DCAF8L2: variants seen among roughly 807,000 people sequenced by gnomAD.
DCAF8L2 encodes DDB1- and CUL4-associated factor 8-like protein 2.
For synonymous variants in DCAF8L2, 200 were observed against 190.9 expected (o/e 1.05, Z -0.39); for missense variants, 430 against 490.7 (o/e 0.88, Z 1.17).
Position 27,725,130 on chromosome X carries a change from A to C in DCAF8L2, c.-59+8959A>C, listed in dbSNP as rs554757282. Among the ~76,000 whole-genome samples the C allele has an allele frequency of 3.2e-4, 35 of 110,817 alleles. No homozygotes were observed. In the Middle Eastern group the frequency reaches 0.023, roughly 74 times the overall value. On this transcript the variant is annotated intron_variant, in intron 4 of 4. Coordinates refer to ENST00000451261, the MANE Select transcript of DCAF8L2 (RefSeq NM_001353450.2). ...GAGACATGATAGTAAGTTGTGGTAC[A>C]TTCTAATTGCAAGACAGAAAGACTC...
At chrX:27,586,140 T>C (rs1391253942), upstream of DCAF8L2, among the ~76,000 whole-genome samples, 2 of 110,416 alleles carry the variant, frequency 1.8e-5, no homozygotes, top group African/African-American at 6.6e-5. Flanking sequence ...GCTAACAGAG[T>C]CCACCCTCCT....
intron 3 of DCAF8L2, among the ~76,000 whole-genome samples, chrX:27,679,574 G>T (rs1439894941): frequency 4.5e-5 from 5 of 111,145 alleles, no homozygotes; most frequent in Non-Finnish European, 9.4e-5. Flanking sequence ...GCTGGGGTCA[G>T]ATATCCCCAT....
At chrX:27,638,962 C>T (rs951291163) in intron 2 of DCAF8L2, among the ~76,000 whole-genome samples, 2 of 111,429 alleles carry the variant, frequency 1.8e-5, no homozygotes, top group Admixed American at 9.6e-5. Context: ...TATAGGAGAA[C>T]CAAGTAAGTA....
chrX:27,594,668 A>G (rs894899357), intron 1 of DCAF8L2, among the ~76,000 whole-genome samples: 2 of 111,832 alleles, frequency 1.8e-5, no homozygotes, highest in Non-Finnish European at 3.8e-5. Flanking sequence ...AATATTTGCT[A>G]AAAAATTTCT....
chrX:27,716,409 A>G (rs1436116521), intron 4 of DCAF8L2, among the ~76,000 whole-genome samples: 3 of 112,780 alleles, frequency 2.7e-5, no homozygotes, highest in Admixed American at 9.4e-5. Flanking sequence ...CCCATTAACT[A>G]TAATAGGTCA....
intron 4 of DCAF8L2, among the ~76,000 whole-genome samples, chrX:27,731,117 G>A (rs1318482845): frequency 9.0e-6 from 1 of 110,940 alleles, no homozygotes; most frequent in African/African-American, 3.3e-5. Flanking sequence ...GCTGGGCATG[G>A]CACACCTGTA....
intron 2 of DCAF8L2, among the ~76,000 whole-genome samples, chrX:27,637,292 C>G (rs112204786): frequency 0.022 from 2,455 of 112,119 alleles, 16 homozygotes; most frequent in Middle Eastern, 0.042. Context: ...GAAATTTTCT[C>G]CATTGTGGCA....
At chrX:27,582,935 G>A in the DCAF8L2 span, among the ~76,000 whole-genome samples, 1 of 111,384 alleles carries the variant, frequency 9.0e-6, no homozygotes, top group Non-Finnish European at 1.9e-5. Flanking sequence ...TCTGTAGTTA[G>A]TAACTATTTT....
the DCAF8L2 span, among the ~76,000 whole-genome samples, chrX:27,580,284 C>G: frequency 9.0e-6 from 1 of 111,344 alleles, no homozygotes; most frequent in Non-Finnish European, 1.9e-5. Flanking sequence ...TCAGGACTAT[C>G]TGTGCCCTGG....
chrX:27,511,086 C>T, the DCAF8L2 span, among the ~76,000 whole-genome samples: 2 of 110,760 alleles, frequency 1.8e-5, no homozygotes, highest in South Asian at 7.6e-4. Context: ...CAAATATGTA[C>T]AACAGCTAGG....
chrX:27,674,048 A>G (rs1930058505), intron 2 of DCAF8L2, among the ~76,000 whole-genome samples: 1 of 111,898 alleles, frequency 8.9e-6, no homozygotes, highest in Non-Finnish European at 1.9e-5. Flanking sequence ...AATGTGGATC[A>G]TTATCAGAAT....
intron 3 of DCAF8L2, among the ~76,000 whole-genome samples, chrX:27,689,411 A>G (rs188427940): frequency 9.0e-6 from 1 of 111,482 alleles, no homozygotes; most frequent in Non-Finnish European, 1.9e-5. Context: ...CACCCAGCTA[A>G]TTTTTTGTAT....
chrX:27,710,800 G>T (rs1415641685), intron 3 of DCAF8L2, among the ~76,000 whole-genome samples: 1 of 112,195 alleles, frequency 8.9e-6, no homozygotes, highest in East Asian at 2.8e-4. Flanking sequence ...GTTGAAAGGG[G>T]ACATTGTCTT....
chrX:27,699,133 T>C (rs757895684), intron 3 of DCAF8L2, among the ~76,000 whole-genome samples: 2 of 111,892 alleles, frequency 1.8e-5, no homozygotes, highest in Non-Finnish European at 3.8e-5. Flanking sequence ...AAAATGTGAT[T>C]CAGTGTAAAG....
rs933630762 is a variant in DCAF8L2, at chrX:27,709,211, C to T, written c.-142-6877C>T. On this transcript the variant is annotated intron_variant, in intron 3 of 4. Coordinates refer to ENST00000451261, the MANE Select transcript of DCAF8L2 (RefSeq NM_001353450.2). ...CTGGGATTACAGGCGTGAGCCACCGCGCCCGACCAGTTCCACCTGCTTCTT... is the reference window on the plus strand; with the variant it reads ...CTGGGATTACAGGCGTGAGCCACCGTGCCCGACCAGTTCCACCTGCTTCTT... Among the ~76,000 whole-genome samples the T allele has an allele frequency of 2.3e-4, 26 of 112,297 alleles. 1 individual carries two copies. The highest frequency in any genetic ancestry group is 6.2e-4 in the African/African-American group (19 of 30,857).
intron 4 of DCAF8L2, among the ~76,000 whole-genome samples, chrX:27,733,626 C>G: frequency 9.0e-6 from 1 of 111,612 alleles, no homozygotes; most frequent in East Asian, 2.8e-4. Context: ...AAGGAGTTTT[C>G]CCCCATGTAT....
At chrX:27,729,585 G>C (rs1264762271) in intron 4 of DCAF8L2, among the ~76,000 whole-genome samples, 1 of 112,136 alleles carries the variant, frequency 8.9e-6, no homozygotes, top group African/African-American at 3.2e-5. Context: ...CCAAGGTCAA[G>C]GTGCAGGTAG....
chrX:27,620,303 T>C (rs1235966623), intron 1 of DCAF8L2, among the ~76,000 whole-genome samples: 1 of 111,406 alleles, frequency 9.0e-6, no homozygotes, highest in Non-Finnish European at 1.9e-5. Flanking sequence ...CTTTCAAAAA[T>C]ATAGCCAGAG....
intron 2 of DCAF8L2, chrX:27,633,101 C>T (rs774045526): frequency 1.8e-5 from 2 of 112,138 alleles, no homozygotes; most frequent in Non-Finnish European, 3.8e-5. Context: ...AGTTAAACTT[C>T]TGTGAGTAAA....
Sources: gnomAD v4.1 joint callset for allele counts (sites outside exome capture counted in the v4.1 genomes callset) on GRCh38, gnomAD v4.1.1 for gene constraint, MANE v1.5 for transcripts, NCBI Gene and HGNC (gene_info 2026-07-23, HGNC 2026-07-21) for gene names.